Variants in NOX4 observed in about 807,000 individuals in gnomAD.
NOX4 encodes the protein kidney oxidase-1.
NOX4 carries 69 observed loss-of-function variants against 87.6 expected under a neutral mutation model. The ratio of observed to expected loss-of-function variants is 0.79; its 90% CI spans 0.65 to 0.96. The LOEUF is 0.96. NOX4 is among the 40% of genes least tolerant of loss of function. The probability of loss-of-function intolerance (pLI) is 0.00; values close to 1 mark genes in which losing one functional copy is unlikely to be tolerated. For missense variants in NOX4, 680 were observed against 681.5 expected (o/e 1.00, Z 0.02); for synonymous variants, 275 against 238.2 (o/e 1.15, Z -1.42).
intron 2 of NOX4, among the ~76,000 whole-genome samples, chr11:89,473,985 A>T (rs1946058169): frequency 6.6e-6 from 1 of 152,204 alleles, no homozygotes; most frequent in South Asian, 2.1e-4. Flanking sequence ...TTCCTGATAT[A>T]TACATGTTAA....
At chr11:89,464,978 GC>G (rs573147354) in intron 2 of NOX4, among the ~76,000 whole-genome samples, 159 of 151,962 alleles carry the variant, frequency 1.0e-3, no homozygotes, top group Non-Finnish European at 1.8e-3. Flanking sequence ...TAGGATTAGT[GC>G]CTTTATTTTT....
At chr11:89,582,701 A>C in the NOX4 span, among the ~76,000 whole-genome samples, 1 of 152,184 alleles carries the variant, frequency 6.6e-6, no homozygotes, top group Non-Finnish European at 1.5e-5. Flanking sequence ...TTCCCTGCTT[A>C]AAGTTTAACG....
intron 6 of NOX4, among the ~76,000 whole-genome samples, chr11:89,437,981 A>G (rs536238679): frequency 6.6e-6 from 1 of 151,988 alleles, no homozygotes; most frequent in Non-Finnish European, 1.5e-5. Context: ...GATGTTCAGT[A>G]GTGACAGGAC....
At chr11:89,519,630 AAGAAG>A in the NOX4 span, among the ~76,000 whole-genome samples, 1 of 152,108 alleles carries the variant, frequency 6.6e-6, no homozygotes, top group Non-Finnish European at 1.5e-5. Context: ...GCAGTTCAGA[AAGAAG>A]AGATCAATGA....
At chr11:89,347,854 C>A (rs1439544125) in intron 13 of NOX4, among the ~76,000 whole-genome samples, 1 of 152,134 alleles carries the variant, frequency 6.6e-6, no homozygotes, top group Non-Finnish European at 1.5e-5. Context: ...TGGCCCCATG[C>A]GGTAGCTCAT....
Position 89,355,002 on chromosome 11 carries a change from A to C in NOX4, c.1177T>G (p.Ser393Ala), listed in dbSNP as rs773231853. ...DLLLPPSSQD[S>A]EILPFIQSRN... Reference sequence around the variant, plus strand: ...GATTGAATGAAGGGCAGAATTTCGGAGTCTTGACTAGATGGAGGCAGTAGT... The same window carrying C: ...GATTGAATGAAGGGCAGAATTTCGGCGTCTTGACTAGATGGAGGCAGTAGT... The change falls in exon 13 of 18, where the codon TCC becomes GCC. Residue 393 changes from serine (S) to alanine (A), a missense_variant. By Grantham distance (99) the Ser-to-Ala change is moderately conservative. Transcript: ENST00000263317. 8 of 1,603,384 alleles carry C rather than the reference A, an allele frequency of 5.0e-6. No homozygotes were observed. Among genetic ancestry groups the C allele is most frequent in the East Asian group, 2.2e-5 (1 of 44,520 alleles).
At chr11:89,475,987 A>G (rs1358466106) in intron 2 of NOX4, among the ~76,000 whole-genome samples, 1 of 152,114 alleles carries the variant, frequency 6.6e-6, no homozygotes, top group Non-Finnish European at 1.5e-5. Flanking sequence ...CACATACTAC[A>G]ATTTTAATAA....
intron 13 of NOX4, among the ~76,000 whole-genome samples, chr11:89,353,855 C>A (rs1361646240): frequency 1.3e-5 from 2 of 152,178 alleles, no homozygotes; most frequent in Admixed American, 1.3e-4. Flanking sequence ...TCCTGGTCAA[C>A]ATGTACGTAT....
At chr11:89,338,818 T>C (rs988741042) in intron 15 of NOX4, among the ~76,000 whole-genome samples, 3 of 152,194 alleles carry the variant, frequency 2.0e-5, no homozygotes, top group African/African-American at 7.2e-5. Context: ...TATAGCATTT[T>C]GTTTGATGGT....
At chr11:89,563,867 G>A in the NOX4 span, among the ~76,000 whole-genome samples, 14 of 151,570 alleles carry the variant, frequency 9.2e-5, no homozygotes, top group East Asian at 3.9e-4. Context: ...ACAGTATTTC[G>A]GAAATACAGA....
At chr11:89,451,446 C>T (rs1944956601) in intron 3 of NOX4, among the ~76,000 whole-genome samples, 1 of 152,110 alleles carries the variant, frequency 6.6e-6, no homozygotes, top group Non-Finnish European at 1.5e-5. Context: ...TCCCTAGTCT[C>T]GAAGTTACTC....
At chr11:89,446,974 G>A (rs1312052779) in intron 4 of NOX4, among the ~76,000 whole-genome samples, 1 of 152,050 alleles carries the variant, frequency 6.6e-6, no homozygotes, top group Admixed American at 6.6e-5. Context: ...CATGCATGAG[G>A]ACAAATGATA....
the NOX4 span, among the ~76,000 whole-genome samples, chr11:89,507,027 G>A: frequency 6.6e-6 from 1 of 151,880 alleles, no homozygotes; most frequent in Non-Finnish European, 1.5e-5. Context: ...ATTATTCTGG[G>A]TGAAAGAAAT....
intron 2 of NOX4, among the ~76,000 whole-genome samples, chr11:89,487,124 G>A (rs1043339528): frequency 6.6e-5 from 10 of 152,162 alleles, no homozygotes; most frequent in African/African-American, 1.9e-4. Context: ...GAAAAGCTAC[G>A]TAGTATGATG....
At chr11:89,544,614 T>C in the NOX4 span, among the ~76,000 whole-genome samples, 1 of 152,282 alleles carries the variant, frequency 6.6e-6, no homozygotes, top group East Asian at 1.9e-4. Flanking sequence ...TGAAGCAATG[T>C]ATACTGAATA....
In NOX4 at chr11:89,444,210, C is replaced by T. The variant is rs745890484; in HGVS notation, c.372G>A (p.Leu124=). The T allele has an allele frequency of 2.5e-6, 4 of 1,613,442 alleles. No individual in the cohort carries two copies. The South Asian group carries it at 4.4e-5, about 18-fold the overall frequency. The change falls in exon 5 of 18, where the codon CTG becomes CTA. Residue 124 remains leucine (L), a synonymous_variant. Coordinates refer to ENST00000263317, the MANE Select transcript of NOX4 (RefSeq NM_016931.5). ...TCACTGAGAAGTTGAGGGCATTCAC[C>T]AGATGGGCAGCCACATGCACGCCTA... The part of the protein sequence containing the change: ...IFSGVHVAAH[L]VNALNFSVNY...
At chr11:89,516,767 TC>T in the NOX4 span, among the ~76,000 whole-genome samples, 1 of 152,056 alleles carries the variant, frequency 6.6e-6, no homozygotes, top group African/African-American at 2.4e-5. Context: ...CCTTTGAACT[TC>T]CAGCTGTTAT....
At chr11:89,552,602 T>A in the NOX4 span, among the ~76,000 whole-genome samples, 77 of 152,212 alleles carry the variant, frequency 5.1e-4, no homozygotes, top group Admixed American at 2.6e-4. Context: ...ATTTATGTTC[T>A]TTCAGTCCCA....
chr11:89,367,548 T>C (rs181224263), intron 12 of NOX4, among the ~76,000 whole-genome samples: 2 of 152,222 alleles, frequency 1.3e-5, no homozygotes, highest in Admixed American at 6.5e-5. Context: ...TATTTATTTA[T>C]TGGCTTTTTG....
Sources: allele counts gnomAD v4.1 joint callset (sites outside exome capture counted in the v4.1 genomes callset), GRCh38; gene constraint gnomAD v4.1.1; transcripts MANE v1.5; gene names NCBI Gene and HGNC (gene_info 2026-07-23, HGNC 2026-07-21).